Variants in GPC6 observed in about 807,000 individuals in gnomAD.
GPC6 encodes the protein glypican 6, also known as glypican-6.
A neutral mutation model predicts 55.2 loss-of-function variants in GPC6; 14 were observed. The observed-to-expected ratio is 0.25, with a 90% CI of 0.17 to 0.40. The LOEUF (loss-of-function observed/expected upper bound fraction) is 0.40, where lower values mean the gene tolerates loss of function less well. Among genes scored for constraint, GPC6 ranks in the 10% least tolerant of loss-of-function variants. GPC6 has a pLI of 1.00. For missense variants in GPC6, 641 were observed against 708.5 expected, an observed-to-expected ratio of 0.90 and a Z score of 1.08; for synonymous variants, 278 against 259.6, an observed-to-expected ratio of 1.07 and a Z score of -0.68.
At chr13:93,593,449 C>A (rs1246529502) in intron 2 of GPC6, among the ~76,000 whole-genome samples, 1 of 152,048 alleles carries the variant, frequency 6.6e-6, no homozygotes, top group African/African-American at 2.4e-5. Context: ...ACAGTTCAAG[C>A]TTCAATTATT....
chr13:93,561,996 G>A (rs1049150412), intron 2 of GPC6, among the ~76,000 whole-genome samples: 5 of 152,016 alleles, frequency 3.3e-5, no homozygotes, highest in Non-Finnish European at 5.9e-5. Context: ...TTGTGGATTG[G>A]GATTCAGCAG....
chr13:93,696,500 A>G lies in GPC6; in HGVS notation c.320-133654A>G, dbSNP rs181885397. On this transcript the variant is annotated intron_variant, in intron 2 of 8. Transcript: ENST00000377047. ...CTTCATCATTAGCTATGAAGAATAA[A>G]CAATGAACTCATTTATACTTTCTTC... is the stretch of plus-strand genomic sequence containing the variant. Among the ~76,000 whole-genome samples, 461 of 152,166 alleles carry G rather than the reference A, an allele frequency of 3.0e-3. 1 individual carries two copies. Among genetic ancestry groups the G allele is most frequent in the African/African-American group, 0.01 (417 of 41,548 alleles).
chr13:93,523,508 T>G (rs1044362644), intron 1 of GPC6, among the ~76,000 whole-genome samples: 6 of 151,528 alleles, frequency 4.0e-5, no homozygotes, highest in Non-Finnish European at 7.4e-5. Flanking sequence ...TATATACATA[T>G]TTGTGTGTGT....
chr13:94,379,653 T>C (rs536729865), intron 6 of GPC6, among the ~76,000 whole-genome samples: 1 of 152,242 alleles, frequency 6.6e-6, no homozygotes, highest in South Asian at 2.1e-4. Flanking sequence ...TAACCAACAT[T>C]TATTGAGCAT....
intron 4 of GPC6, among the ~76,000 whole-genome samples, chr13:94,028,379 G>A (rs889609211): frequency 6.6e-6 from 1 of 151,922 alleles, no homozygotes; most frequent in African/African-American, 2.4e-5. Flanking sequence ...TATGTTATAT[G>A]GGACAGTCCT....
At chr13:94,159,401 A>G (rs915670938) in intron 4 of GPC6, among the ~76,000 whole-genome samples, 1 of 152,200 alleles carries the variant, frequency 6.6e-6, no homozygotes, top group Non-Finnish European at 1.5e-5. Context: ...AGGCTTCACA[A>G]TCATGGCAGA....
chr13:93,720,654 TG>T (rs1159590649), intron 2 of GPC6, among the ~76,000 whole-genome samples: 4 of 152,066 alleles, frequency 2.6e-5, no homozygotes, highest in African/African-American at 9.7e-5. Context: ...TTAATTGTGA[TG>T]TTAGGGTGTC....
At chr13:93,331,608 T>G (rs372363078) in intron 1 of GPC6, among the ~76,000 whole-genome samples, 14 of 150,222 alleles carry the variant, frequency 9.3e-5, no homozygotes, top group Admixed American at 7.9e-4. Context: ...AAACGTATTT[T>G]CCCCTGAAAC....
intron 1 of GPC6, among the ~76,000 whole-genome samples, chr13:93,365,405 A>G (rs553216476): frequency 2.0e-5 from 3 of 152,252 alleles, no homozygotes; most frequent in Admixed American, 6.5e-5. Flanking sequence ...TTCAATGACC[A>G]TAGTCAGATA....
chr13:93,853,314 G>A (rs892093709), intron 3 of GPC6, among the ~76,000 whole-genome samples: 4 of 151,540 alleles, frequency 2.6e-5, no homozygotes, highest in Non-Finnish European at 5.9e-5. Flanking sequence ...CACCACTATG[G>A]CAAAGGAACC....
At chr13:93,457,754 CTA>C (rs1210701876) in intron 1 of GPC6, among the ~76,000 whole-genome samples, 3 of 152,146 alleles carry the variant, frequency 2.0e-5, no homozygotes, top group East Asian at 3.9e-4. Context: ...GCAGTTCATC[CTA>C]TGTGACAAGA....
At chr13:93,632,697 T>C (rs1053133517) in intron 2 of GPC6, among the ~76,000 whole-genome samples, 6 of 151,192 alleles carry the variant, frequency 4.0e-5, no homozygotes, top group Admixed American at 2.0e-4. Flanking sequence ...TATGCACATA[T>C]ATGTAAATTA....
At chr13:93,536,450 C>T (rs767500473) in intron 1 of GPC6, among the ~76,000 whole-genome samples, 5 of 152,200 alleles carry the variant, frequency 3.3e-5, no homozygotes, top group East Asian at 3.9e-4. Context: ...TGCATGATTT[C>T]GACTACTTCG....
intron 6 of GPC6, among the ~76,000 whole-genome samples, chr13:94,373,528 G>T (rs1009840861): frequency 1.1e-4 from 16 of 152,318 alleles, no homozygotes; most frequent in African/African-American, 3.8e-4. Context: ...AGAATAAAAA[G>T]AAATGATCAA....
At chr13:93,345,813 A>G (rs541322730) in intron 1 of GPC6, among the ~76,000 whole-genome samples, 29 of 152,310 alleles carry the variant, frequency 1.9e-4, no homozygotes, top group African/African-American at 6.7e-4. Flanking sequence ...TTGGCTTTAA[A>G]GTGATGTTCT....
At chr13:93,751,186 C>CA (rs747436773) in intron 2 of GPC6, among the ~76,000 whole-genome samples, 2 of 127,826 alleles carry the variant, frequency 1.6e-5, no homozygotes, top group African/African-American at 2.9e-5. Flanking sequence ...AACAAACAAA[C>CA]AAAAAATGCC....
At chr13:93,520,403 A>T (rs1881368639) in intron 1 of GPC6, among the ~76,000 whole-genome samples, 1 of 151,892 alleles carries the variant, frequency 6.6e-6, no homozygotes, top group Non-Finnish European at 1.5e-5. Context: ...ACCTATTAAC[A>T]AGTCACTTTC....
chr13:93,286,404 G>C (rs1287889472), intron 1 of GPC6, among the ~76,000 whole-genome samples: 1 of 152,186 alleles, frequency 6.6e-6, no homozygotes, highest in Non-Finnish European at 1.5e-5. Flanking sequence ...AGTTGAATTA[G>C]TGAGCTCAGA....
intron 2 of GPC6, among the ~76,000 whole-genome samples, chr13:93,606,375 A>T (rs572865827): frequency 7.2e-5 from 11 of 152,334 alleles, no homozygotes; most frequent in South Asian, 6.2e-4. Context: ...ATGGTTTTTG[A>T]TAGCTCAGAT....
Sources: allele counts gnomAD v4.1 joint callset (sites outside exome capture counted in the v4.1 genomes callset), GRCh38; gene constraint gnomAD v4.1.1; transcripts MANE v1.5; gene names NCBI Gene and HGNC (gene_info 2026-07-23, HGNC 2026-07-21).